Variants in TSHR observed in about 807,000 individuals in gnomAD.
TSHR encodes the protein thyroid stimulating hormone receptor.
TSHR carries 51 observed loss-of-function variants against 64.1 expected under a neutral mutation model. The observed-to-expected ratio is 0.80, with a 90% confidence interval of 0.64 to 1.01. The LOEUF is 1.01. TSHR is among the 50% of genes least tolerant of loss of function. The probability of loss-of-function intolerance (pLI) is 0.00; values close to 1 mark genes in which losing one functional copy is unlikely to be tolerated. For missense variants in TSHR, 877 were observed against 942.8 expected (o/e 0.93, Z 0.91); for synonymous variants, 361 against 361.9 (o/e 1.00, Z 0.03).
intron 8 of TSHR, among the ~76,000 whole-genome samples, chr14:81,112,131 C>T (rs536414665): frequency 1.3e-5 from 2 of 152,278 alleles, no homozygotes; most frequent in South Asian, 2.1e-4. Flanking sequence ...AGGAGTTATA[C>T]CTGGAGTTGA....
In TSHR at chr14:81,098,446, A is replaced by G. The variant is rs187050125; in HGVS notation, c.614+1739A>G. On this transcript the variant is annotated intron_variant, in intron 7 of 9. Transcript: ENST00000298171. Reference sequence around the variant, plus strand: ...TAGCATTCTGGAAAGGTGGCATTTGATTTTAATATTGTATGAATTTCACCA... The same window carrying G: ...TAGCATTCTGGAAAGGTGGCATTTGGTTTTAATATTGTATGAATTTCACCA... Among the ~76,000 whole-genome samples the G allele has an allele frequency of 5.9e-5, 9 of 152,248 alleles. 1 individual carries two copies. Among genetic ancestry groups the G allele is most frequent in the African/African-American group, 2.2e-4 (9 of 41,548 alleles).
intron 3 of TSHR, among the ~76,000 whole-genome samples, chr14:81,080,241 C>T (rs577039936): frequency 1.1e-4 from 17 of 152,090 alleles, no homozygotes; most frequent in East Asian, 3.9e-4. Context: ...TGTGAGCCAC[C>T]GCACCTGGCC....
chr14:81,009,251 TC>T (rs1889781363), intron 1 of TSHR, among the ~76,000 whole-genome samples: 1 of 152,210 alleles, frequency 6.6e-6, no homozygotes, highest in African/African-American at 2.4e-5. Flanking sequence ...AAATGAAGTT[TC>T]TAGGGTTTCC....
chr14:81,034,486 C>T (rs1594979260), intron 1 of TSHR, among the ~76,000 whole-genome samples: 1 of 152,054 alleles, frequency 6.6e-6, no homozygotes, highest in African/African-American at 2.4e-5. Flanking sequence ...TTCTGAAGGG[C>T]CCTGCTGTTT....
chr14:81,057,826 T>G (rs1292403815), intron 1 of TSHR, among the ~76,000 whole-genome samples: 2 of 152,186 alleles, frequency 1.3e-5, no homozygotes, highest in African/African-American at 4.8e-5. Context: ...GCAAAGAAGA[T>G]CAGCCAGCCT....
At chr14:81,115,832 T>A (rs2140051042) in intron 8 of TSHR, among the ~76,000 whole-genome samples, 1 of 152,214 alleles carries the variant, frequency 6.6e-6, no homozygotes, top group East Asian at 1.9e-4. Context: ...AGTGGATCTC[T>A]CGGCAGAAAC....
chr14:80,967,531 C>T (rs746840509), intron 1 of TSHR, among the ~76,000 whole-genome samples: 2 of 151,876 alleles, frequency 1.3e-5, no homozygotes, highest in Non-Finnish European at 2.9e-5. Flanking sequence ...GGGATCTGGC[C>T]GCCTCGGCCT....
intron 1 of TSHR, among the ~76,000 whole-genome samples, chr14:81,057,319 G>A (rs150878074): frequency 3.5e-4 from 53 of 152,244 alleles, no homozygotes; most frequent in African/African-American, 1.2e-3. Context: ...GCTGAGGCAG[G>A]AGAATCGCTT....
Position 81,143,517 on chromosome 14 carries a change from G to A in TSHR, c.1459G>A (p.Asp487Asn), listed in dbSNP as rs201463943. Residue 487 changes from aspartate to asparagine, a missense_variant, in exon 10 of 10, where the codon GAC (aspartate) becomes AAC (asparagine). Physicochemically the swap from Asp to Asn is conservative, Grantham distance 23. Transcript: ENST00000298171. ...THSEYYNHAI[D>N]WQTGPGCNTA... ...CTCTGAGTACTACAACCATGCCATCGACTGGCAGACAGGCCCTGGGTGCAA... is the reference window on the plus strand; with the variant it reads ...CTCTGAGTACTACAACCATGCCATCAACTGGCAGACAGGCCCTGGGTGCAA... 74 of 1,613,416 alleles carry A rather than the reference G, an allele frequency of 4.6e-5. No homozygotes were observed. Among genetic ancestry groups the A allele is most frequent in the South Asian group, 6.6e-5 (6 of 91,052 alleles).
intron 1 of TSHR, among the ~76,000 whole-genome samples, chr14:80,960,963 T>C (rs957221195): frequency 3.3e-5 from 5 of 152,232 alleles, no homozygotes; most frequent in Admixed American, 1.3e-4. Context: ...ACTGTCCCTG[T>C]CTCTTTAAAT....
At chr14:81,123,482 A>G (rs2140070139) in intron 8 of TSHR, among the ~76,000 whole-genome samples, 1 of 152,354 alleles carries the variant, frequency 6.6e-6, no homozygotes, top group East Asian at 1.9e-4. Flanking sequence ...GAAGACAGAA[A>G]GTGCTCAATA....
intron 1 of TSHR, among the ~76,000 whole-genome samples, chr14:81,030,115 T>G (rs1280215026): frequency 6.6e-6 from 1 of 151,984 alleles, no homozygotes; most frequent in African/African-American, 2.4e-5. Context: ...CAGAAGAGAG[T>G]TGATGGTGGC....
intron 1 of TSHR, chr14:81,032,555 G>T (rs143052843): frequency 2.5e-5 from 11 of 433,002 alleles, no homozygotes; most frequent in Middle Eastern, 3.7e-4. Flanking sequence ...AGACTGTAGT[G>T]GTTCTCCTTG....
In TSHR at chr14:81,101,320, T is replaced by C. The variant is rs528668869; in HGVS notation, c.614+4613T>C. Among the ~76,000 whole-genome samples the C allele has an allele frequency of 1.1e-3, 164 of 152,242 alleles. 1 individual carries two copies. The highest frequency in any genetic ancestry group is 3.8e-3 in the African/African-American group (158 of 41,542). On this transcript the variant is annotated intron_variant, in intron 7 of 9. Coordinates refer to ENST00000298171, the MANE Select transcript of TSHR (RefSeq NM_000369.5). ...TCAGATGGCCTTCTGAAATTAACCC[T>C]ATGGAAAAAGTACGCAAAGTCCTCA...
chr14:81,092,838 A>G (rs1888863527), intron 6 of TSHR, among the ~76,000 whole-genome samples: 1 of 152,178 alleles, frequency 6.6e-6, no homozygotes. Context: ...TGGTTGGTAC[A>G]TTTTTCACGT....
chr14:80,985,208 C>T (rs1011953385), intron 1 of TSHR, among the ~76,000 whole-genome samples: 7 of 152,212 alleles, frequency 4.6e-5, no homozygotes, highest in African/African-American at 1.4e-4. Context: ...GGAGATCGCG[C>T]CACTGCACTC....
chr14:81,078,704 A>C (rs537517506), intron 3 of TSHR: 1 of 152,342 alleles, frequency 6.6e-6, no homozygotes, highest in East Asian at 1.9e-4. Context: ...GTCCAACTGC[A>C]CTGATGGAGA....
chr14:81,081,441 C>G (rs1414038941), intron 3 of TSHR, among the ~76,000 whole-genome samples: 4 of 152,128 alleles, frequency 2.6e-5, no homozygotes, highest in African/African-American at 7.2e-5. Flanking sequence ...CTTCCGCCCC[C>G]TCCCTTGGCA....
chr14:81,092,285 C>T (rs1341987623), intron 5 of TSHR, among the ~76,000 whole-genome samples: 1 of 152,112 alleles, frequency 6.6e-6, no homozygotes, highest in African/African-American at 2.4e-5. Context: ...AGTCAGGGAC[C>T]TCCACCCACA....
Sources: allele counts gnomAD v4.1 joint callset (sites outside exome capture counted in the v4.1 genomes callset), GRCh38; gene constraint gnomAD v4.1.1; transcripts MANE v1.5; gene names NCBI Gene and HGNC (gene_info 2026-07-23, HGNC 2026-07-21).